TEX11: variants seen among roughly 807,000 people sequenced by gnomAD.
TEX11 encodes testis-expressed protein 11.
In TEX11, 7 loss-of-function variants were observed where a neutral mutation model predicts 84.4. That is an observed-to-expected ratio of 0.08 (90% CI 0.05 to 0.16). The LOEUF (loss-of-function observed/expected upper bound fraction) is 0.16. Ranked by LOEUF, TEX11 falls within the 10% of genes least tolerant of loss-of-function variation. The pLI is 1.00. For synonymous variants in TEX11, 264 were observed against 222.8 expected, an observed-to-expected ratio of 1.18 and a Z score of -1.64; for missense variants, 551 against 660.5, an observed-to-expected ratio of 0.83 and a Z score of 1.82.
At chrX:70,577,967 A>T (rs1431089227) in intron 25 of TEX11, among the ~76,000 whole-genome samples, 1 of 111,179 alleles carries the variant, frequency 9.0e-6, no homozygotes, top group African/African-American at 3.3e-5. Context: ...ACCTCAGGTG[A>T]TCTGCCTGCC....
At chrX:70,552,370 G>T in intron 27 of TEX11, 124 bp from the exon 28 acceptor site, 1 of 830,952 alleles carries the variant, frequency 1.2e-6, no homozygotes, top group Non-Finnish European at 1.6e-6. Context: ...TTCTTCCCTC[G>T]GTTTTATCTG....
intron 17 of TEX11, among the ~76,000 whole-genome samples, chrX:70,633,151 G>T (rs2089530370): frequency 8.9e-6 from 1 of 112,064 alleles, no homozygotes; most frequent in Non-Finnish European, 1.9e-5. Flanking sequence ...CATGAACATA[G>T]ATACACATAT....
At chrX:70,710,836 G>GCA (rs1479278783) in intron 13 of TEX11, among the ~76,000 whole-genome samples, 1 of 110,900 alleles carries the variant, frequency 9.0e-6, no homozygotes, top group Non-Finnish European at 1.9e-5. Context: ...TGTGCACATT[G>GCA]TGCAGGTTTG....
At chrX:70,822,670 C>T (rs1009886444) in intron 8 of TEX11, among the ~76,000 whole-genome samples, 4 of 110,767 alleles carry the variant, frequency 3.6e-5, no homozygotes, top group East Asian at 2.8e-4. Context: ...TATTTTAAAA[C>T]GAGGTTTATT....
intron 8 of TEX11, among the ~76,000 whole-genome samples, chrX:70,812,213 T>G (rs1289067253): frequency 9.1e-6 from 1 of 109,357 alleles, no homozygotes; most frequent in Non-Finnish European, 1.9e-5. Context: ...GAATTAATTT[T>G]TTTTTTTTTG....
At chrX:70,903,052 C>T (rs1030574415) in intron 2 of TEX11, among the ~76,000 whole-genome samples, 4 of 111,925 alleles carry the variant, frequency 3.6e-5, no homozygotes, top group African/African-American at 1.3e-4. Flanking sequence ...TCCACCTCCA[C>T]GTTTTGTCCC....
Position 70,860,907 on chromosome X carries a change from T to C in TEX11, c.274A>G (p.Met92Val). 8.4e-7 allele frequency: 1 copy of C among 1,186,488 alleles called. No homozygotes were observed. The highest frequency in any genetic ancestry group is 1.1e-6 in the Non-Finnish European group (1 of 885,435). Residue 92 changes from methionine (M) to valine (V), a missense_variant, in exon 5 of 30, where the codon ATG (methionine) becomes GTG (valine). Physicochemically the swap from Met to Val is conservative, Grantham distance 21. Coordinates refer to ENST00000374333, the MANE Select transcript of TEX11 (RefSeq NM_031276.3). ...TCTGAGGCAAATGAGGCTTCACACA[T>C]ACTCAGCAACTTGCAAGCAACATAA... is the stretch of plus-strand genomic sequence containing the variant. ...LHYVACKLLSMCEASFASEQS... is the reference protein window; with the variant it reads ...LHYVACKLLSVCEASFASEQS...
intron 9 of TEX11, among the ~76,000 whole-genome samples, chrX:70,795,284 C>A (rs935045534): frequency 1.2e-4 from 13 of 109,997 alleles, no homozygotes; most frequent in Admixed American, 2.0e-4. Flanking sequence ...AAAACTTTTT[C>A]TTGTGGCTTG....
intron 8 of TEX11, among the ~76,000 whole-genome samples, chrX:70,827,775 G>A (rs1027589759): frequency 8.9e-6 from 1 of 111,911 alleles, no homozygotes; most frequent in Non-Finnish European, 1.9e-5. Context: ...CTCCCAGAGA[G>A]CATCTTTGGA....
chrX:70,676,561 A>G (rs773777532), intron 15 of TEX11, among the ~76,000 whole-genome samples: 2 of 111,854 alleles, frequency 1.8e-5, no homozygotes, highest in Non-Finnish European at 3.8e-5. Flanking sequence ...AATTTTGATT[A>G]CGTGCGTTGG....
chrX:70,814,134 G>A (rs1008572160), intron 8 of TEX11, among the ~76,000 whole-genome samples: 5 of 111,579 alleles, frequency 4.5e-5, no homozygotes, highest in African/African-American at 9.8e-5. Flanking sequence ...AAAAGAGCCC[G>A]CATTGCCAAG....
chrX:70,792,104 A>C (rs1331461238), intron 9 of TEX11, among the ~76,000 whole-genome samples: 1 of 88,824 alleles, frequency 1.1e-5, no homozygotes, highest in Non-Finnish European at 2.2e-5. Flanking sequence ...CAGCACGGGC[A>C]ACAAGAGCAA....
chrX:70,685,134 T>G (rs1461140805), intron 13 of TEX11, among the ~76,000 whole-genome samples: 1 of 111,839 alleles, frequency 8.9e-6, no homozygotes, highest in Non-Finnish European at 1.9e-5. Context: ...AAGGCCGAGG[T>G]TGGTGGATCG....
At chrX:70,813,495 C>T (rs1251582854) in intron 8 of TEX11, among the ~76,000 whole-genome samples, 1 of 111,606 alleles carries the variant, frequency 9.0e-6, no homozygotes, top group Non-Finnish European at 1.9e-5. Flanking sequence ...CAATATCATA[C>T]TGAATGGGCA....
intron 13 of TEX11, among the ~76,000 whole-genome samples, chrX:70,720,483 T>G (rs1490548859): frequency 1.8e-5 from 2 of 109,153 alleles, no homozygotes; most frequent in African/African-American, 6.7e-5. Context: ...CAAACCTGCA[T>G]GTTGTGCACA....
chrX:70,811,064 T>C (rs887467965), intron 8 of TEX11, among the ~76,000 whole-genome samples: 1 of 111,693 alleles, frequency 9.0e-6, no homozygotes, highest in Non-Finnish European at 1.9e-5. Flanking sequence ...CTAGGGTACA[T>C]GTGCACAACG....
intron 2 of TEX11, chrX:70,897,656 G>GAAAAC (rs781124475): frequency 1.2e-5 from 1 of 85,169 alleles, no homozygotes; most frequent in African/African-American, 4.9e-5. Context: ...AGGAAGGAAG[G>GAAAAC]AAGGAAGGAA....
chrX:70,626,090 T>C (rs769844170), intron 18 of TEX11, among the ~76,000 whole-genome samples: 8 of 111,330 alleles, frequency 7.2e-5, no homozygotes, highest in Non-Finnish European at 9.4e-5. Flanking sequence ...ATCCTCCCAA[T>C]ATTCTAGTTT....
In TEX11 at chrX:70,790,890, A is replaced by T. The variant is rs149393851; in HGVS notation, c.692+15815T>A. ...TGCATCGTTTGAGCACACAGGTCAG[A>T]AGTTTCAAGAATGGCAAGTTGGATA... is the stretch of plus-strand genomic sequence containing the variant. On this transcript the variant is annotated intron_variant, in intron 9 of 29. Coordinates refer to ENST00000374333, the MANE Select transcript of TEX11 (RefSeq NM_031276.3). Among the ~76,000 whole-genome samples the T allele has an allele frequency of 4.4e-5, 5 of 112,496 alleles. No individual in the cohort carries two copies. In the East Asian group the frequency reaches 1.4e-3, roughly 32 times the overall value.
Sources: allele counts gnomAD v4.1 joint callset (sites outside exome capture counted in the v4.1 genomes callset), GRCh38; gene constraint gnomAD v4.1.1; transcripts MANE v1.5; gene names NCBI Gene and HGNC (gene_info 2026-07-23, HGNC 2026-07-21).